The following PPP1CB variants were observed in gnomAD, a reference collection of about 807,000 sequenced individuals.
PPP1CB encodes the protein serine/threonine-protein phosphatase PP1-beta catalytic subunit.
Under a neutral mutation model 43.7 loss-of-function variants are expected in PPP1CB, and 2 were observed. The observed-to-expected ratio is 0.05, with a 90% CI of 0.02 to 0.14. The LOEUF (loss-of-function observed/expected upper bound fraction) is 0.14. Among genes scored for constraint, PPP1CB ranks in the 10% least tolerant of loss-of-function variants. The probability of loss-of-function intolerance (pLI) is 1.00; values close to 1 mark genes in which losing one functional copy is unlikely to be tolerated. For missense variants in PPP1CB, 84 were observed against 398.0 expected (o/e 0.21, Z 6.71); for synonymous variants, 136 against 135.6 (o/e 1.00, Z -0.02).
At position 28,752,193 on chromosome 2, in the gene PPP1CB, C is replaced by T. The variant is rs1666314121; in HGVS notation, c.52+17C>T. The T allele has an allele frequency of 1.3e-6, 2 of 1,537,202 alleles. No individual in the cohort carries two copies. Among genetic ancestry groups the T allele is most frequent in the South Asian group, 2.4e-5 (2 of 83,668 alleles). On this transcript the variant is annotated intron_variant, in intron 1 of 7. Coordinates refer to ENST00000395366, the MANE Select transcript of PPP1CB (RefSeq NM_002709.3). ...TGCTGGAGGGTGAGTGCGCGCCTGGCCGCGGGACAGAGGGAGGTCGGGCAC... is the reference window on the plus strand; with the variant it reads ...TGCTGGAGGGTGAGTGCGCGCCTGGTCGCGGGACAGAGGGAGGTCGGGCAC...
At chr2:28,793,547 C>G (rs1667431044) in intron 6 of PPP1CB, among the ~76,000 whole-genome samples, 3 of 152,002 alleles carry the variant, frequency 2.0e-5, no homozygotes, top group Non-Finnish European at 4.4e-5. Flanking sequence ...ACTTAGTGTC[C>G]CAGCTCCCTG....
At chr2:28,776,237 T>G (rs1558304337) in intron 1 of PPP1CB, among the ~76,000 whole-genome samples, 3 of 151,560 alleles carry the variant, frequency 2.0e-5, no homozygotes, top group African/African-American at 7.3e-5. Context: ...GTGTGTTTTT[T>G]TTGTTGTTGT....
intron 1 of PPP1CB, among the ~76,000 whole-genome samples, chr2:28,753,779 G>A (rs1666407973): frequency 6.6e-6 from 1 of 151,948 alleles, no homozygotes; most frequent in Non-Finnish European, 1.5e-5. Context: ...TGTCGCCCAG[G>A]CTGGAGTGCA....
intron 4 of PPP1CB, among the ~76,000 whole-genome samples, chr2:28,783,177 G>A (rs1200348340): frequency 6.6e-6 from 1 of 152,156 alleles, no homozygotes; most frequent in Non-Finnish European, 1.5e-5. Flanking sequence ...AGTGGGATGT[G>A]AAAAGAAGGT....
chr2:28,788,321 A>C (rs958958953), intron 5 of PPP1CB, among the ~76,000 whole-genome samples: 1 of 152,224 alleles, frequency 6.6e-6, no homozygotes, highest in African/African-American at 2.4e-5. Flanking sequence ...AGGAAATACC[A>C]CTGGGTTGTT....
intron 1 of PPP1CB, among the ~76,000 whole-genome samples, chr2:28,763,812 C>A (rs577190606): frequency 6.6e-6 from 1 of 152,140 alleles, no homozygotes; most frequent in Non-Finnish European, 1.5e-5. Context: ...TGAAGCGATT[C>A]TCCTGCCTCA....
intron 7 of PPP1CB, among the ~76,000 whole-genome samples, chr2:28,795,980 AG>A (rs1172859613): frequency 6.6e-6 from 1 of 152,152 alleles, no homozygotes; most frequent in Non-Finnish European, 1.5e-5. Context: ...GTATGGTGAA[AG>A]GGGTCCAGTT....
rs1020103936 is a variant in PPP1CB at position 28,801,598 on chromosome 2, A to G, written c.*2295A>G. 6 of 152,304 alleles carry G rather than the reference A, an allele frequency of 3.9e-5. No individual in the cohort carries two copies. Among genetic ancestry groups the G allele is most frequent in the Admixed American group, 3.9e-4 (6 of 15,298 alleles). The allele number at this position is 152,304 out of a possible 1,614,324, so 9.4% of individuals were successfully genotyped here. The stretch of plus-strand genomic sequence containing the variant: ...AGTCATAAAAATGTGTTCTTTACAA[A>G]TATTTGCTTGGCAACACGACTTGAA... On this transcript the variant is annotated 3_prime_UTR_variant, in exon 8 of 8. Transcript: ENST00000395366.
chr2:28,793,803 A>G, intron 6 of PPP1CB, 60 bp from the exon 7 acceptor site: 5 of 1,596,282 alleles, frequency 3.1e-6, no homozygotes, highest in East Asian at 2.2e-5. Context: ...CTTAATTAGT[A>G]TAGATGGTTC....
intron 5 of PPP1CB, among the ~76,000 whole-genome samples, chr2:28,786,294 A>G (rs1265396226): frequency 6.6e-6 from 1 of 151,982 alleles, no homozygotes; most frequent in East Asian, 1.9e-4. Flanking sequence ...TTGTATGTTT[A>G]ATAGAGACAG....
At chr2:28,771,880 T>C (rs1248000703) in intron 1 of PPP1CB, among the ~76,000 whole-genome samples, 1 of 151,948 alleles carries the variant, frequency 6.6e-6, no homozygotes, top group Non-Finnish European at 1.5e-5. Context: ...AAGATTTAAA[T>C]TCATTAAAGA....
At chr2:28,768,209 C>T (rs1438266724) in intron 1 of PPP1CB, among the ~76,000 whole-genome samples, 1 of 152,124 alleles carries the variant, frequency 6.6e-6, no homozygotes, top group Non-Finnish European at 1.5e-5. Context: ...GCTCACCAGT[C>T]ACCCTGGCTT....
Position 28,801,119 on chromosome 2 carries a change from A to G in PPP1CB, c.*1816A>G, listed in dbSNP as rs1667605878. The G allele has an allele frequency of 6.6e-6, 1 of 152,284 alleles. No individual in the cohort carries two copies. The highest frequency in any genetic ancestry group is 2.4e-5 in the African/African-American group (1 of 41,416). 9.4% of individuals were successfully genotyped at this position (152,284 alleles called of 1,614,324 possible). On this transcript the variant is annotated 3_prime_UTR_variant, in exon 8 of 8. Transcript: ENST00000395366. ...TATTCACATAGATACTATGTCCTTG[A>G]CATATTGAAATGATTCTTTTCTGAA...
intron 6 of PPP1CB, among the ~76,000 whole-genome samples, chr2:28,791,279 T>C (rs1050818598): frequency 9.9e-5 from 15 of 152,156 alleles, no homozygotes; most frequent in Non-Finnish European, 1.9e-4. Context: ...TCCATTGAAA[T>C]GAGGTCATGT....
At position 28,777,681 on chromosome 2, in the gene PPP1CB, T is replaced by G. The variant is rs994024062; in HGVS notation, c.184+699T>G. ...GTTGGTTTTTCTTTGAGACAGAGTTTCACTCTTGTTGCCCAGGCTGGAGTA... is the reference window on the plus strand; with the variant it reads ...GTTGGTTTTTCTTTGAGACAGAGTTGCACTCTTGTTGCCCAGGCTGGAGTA... On this transcript the variant is annotated intron_variant, in intron 2 of 7. Transcript: ENST00000395366. Among the ~76,000 whole-genome samples, 3 of 152,308 alleles carry G rather than the reference T, an allele frequency of 2.0e-5. 1 individual carries two copies. The South Asian group carries it at 6.2e-4, about 32-fold the overall frequency.
intron 1 of PPP1CB, among the ~76,000 whole-genome samples, chr2:28,771,037 T>TCCC (rs1666897734): frequency 9.9e-6 from 1 of 101,118 alleles, no homozygotes. Flanking sequence ...ACTTATTCCC[T>TCCC]GCTCCCCCCC....
At chr2:28,754,592 C>G (rs183989554) in intron 1 of PPP1CB, among the ~76,000 whole-genome samples, 2 of 152,286 alleles carry the variant, frequency 1.3e-5, no homozygotes, top group East Asian at 3.9e-4. Flanking sequence ...TTTGACAGTG[C>G]CCCCAAGGGA....
intron 1 of PPP1CB, among the ~76,000 whole-genome samples, chr2:28,762,100 C>T (rs1666669839): frequency 1.3e-5 from 2 of 152,086 alleles, no homozygotes; most frequent in African/African-American, 4.8e-5. Context: ...GCCTGGGCAA[C>T]ATGGTGAAAC....
intron 1 of PPP1CB, among the ~76,000 whole-genome samples, chr2:28,776,275 T>A (rs80227988): frequency 2.8e-4 from 43 of 151,880 alleles, no homozygotes; most frequent in Non-Finnish European, 5.7e-4. Context: ...GTTTTTTTTT[T>A]ATTTGAGACG....
Sources: gnomAD v4.1 joint callset for allele counts (sites outside exome capture counted in the v4.1 genomes callset) on GRCh38, gnomAD v4.1.1 for gene constraint, MANE v1.5 for transcripts, NCBI Gene and HGNC (gene_info 2026-07-23, HGNC 2026-07-21) for gene names.